The following RMND5A variants were observed in gnomAD, a reference collection of about 807,000 sequenced individuals.
The protein encoded by RMND5A is required for meiotic nuclear division 5 homolog A, also known as E3 ubiquitin-protein transferase RMND5A.
A neutral mutation model predicts 49.7 loss-of-function variants in RMND5A; 17 were observed. The observed-to-expected ratio is 0.34, with a 90% CI of 0.23 to 0.51. RMND5A has a LOEUF of 0.51. Ranked by LOEUF, RMND5A falls within the 20% of genes least tolerant of loss-of-function variation. RMND5A has a pLI of 0.96. For missense variants in RMND5A, 255 were observed against 471.3 expected (o/e 0.54, Z 4.25); for synonymous variants, 156 against 167.7 (o/e 0.93, Z 0.54).
At chr2:86,751,514 C>T (rs1346929765) in intron 2 of RMND5A, among the ~76,000 whole-genome samples, 4 of 152,146 alleles carry the variant, frequency 2.6e-5, no homozygotes, top group Non-Finnish European at 5.9e-5. Context: ...TGTTGATAGG[C>T]ATATGTGTTT....
At position 86,771,647 on chromosome 2, in the gene RMND5A, C is replaced by A. The variant is rs1439375238; in HGVS notation, c.1047C>A (p.Pro349=). ...AGCAAACAACAGATAACAATCCACC[C>A]ATGAAATTGGTCTGTGGTCATATTA... The part of the protein sequence containing the change: ...LRQQTTDNNP[P]MKLVCGHIIS... Residue 349 remains proline, a synonymous_variant, in exon 8 of 9, where the codon CCC becomes CCA. Coordinates refer to ENST00000283632, the MANE Select transcript of RMND5A (RefSeq NM_022780.4). 1 of 1,613,238 alleles carries A rather than the reference C, an allele frequency of 6.2e-7. No homozygotes were observed. The highest frequency in any genetic ancestry group is 1.7e-5 in the Admixed American group (1 of 59,978).
At chr2:86,729,731 C>T (rs1681332017) in intron 1 of RMND5A, among the ~76,000 whole-genome samples, 1 of 86,900 alleles carries the variant, frequency 1.2e-5, no homozygotes, top group South Asian at 3.4e-4. Flanking sequence ...AGGTGAAGGA[C>T]CAGATTGCAG....
chr2:86,747,218 G>A (rs77008152), intron 2 of RMND5A, among the ~76,000 whole-genome samples: 413 of 152,202 alleles, frequency 2.7e-3, no homozygotes, highest in Middle Eastern at 0.01. Flanking sequence ...TAATCAGATG[G>A]GTGTGAAGTA....
chr2:86,743,230 C>T (rs893261774), intron 2 of RMND5A, among the ~76,000 whole-genome samples: 2 of 152,064 alleles, frequency 1.3e-5, no homozygotes, highest in Admixed American at 1.3e-4. Flanking sequence ...ATGGAAGTAT[C>T]TTTTTGGAAG....
In RMND5A at chr2:86,725,606, G is replaced by C. The variant is rs1359900843; in HGVS notation, c.142+4797G>C. Among the ~76,000 whole-genome samples the C allele has an allele frequency of 5.1e-5, 4 of 77,696 alleles. 1 individual carries two copies. Among genetic ancestry groups the C allele is most frequent in the South Asian group, 3.4e-4 (1 of 2,930 alleles). 51.0% of individuals were successfully genotyped at this position (77,696 alleles called of 152,430 possible). On this transcript the variant is annotated intron_variant, in intron 1 of 8. Transcript: ENST00000283632. ...GGGTTTCAACATGTGGGTCAGGCTG[G>C]TCTTGAACACCTGACCTCAAGCAGT... is the stretch of plus-strand genomic sequence containing the variant.
intron 4 of RMND5A, among the ~76,000 whole-genome samples, chr2:86,758,304 T>C (rs1428124430): frequency 2.6e-5 from 4 of 152,232 alleles, no homozygotes; most frequent in Non-Finnish European, 4.4e-5. Flanking sequence ...CTATACACAG[T>C]GTTCTGCTTT....
Position 86,720,515 on chromosome 2 carries a change from G to A in RMND5A, c.-153G>A, listed in dbSNP as rs1259759800. ...GGCTCCGGCTGCGCGGGGCTCCCCC[G>A]GCGCCGCGGCTAGTGCGCCCGCCGC... is the stretch of plus-strand genomic sequence containing the variant. On this transcript the variant is annotated 5_prime_UTR_variant, in exon 1 of 9. Transcript: ENST00000283632. 1 of 389,132 alleles carries A rather than the reference G, an allele frequency of 2.6e-6. No individual in the cohort carries two copies. The allele number at this position is 389,132 out of a possible 1,614,324, so 24.1% of individuals were successfully genotyped here.
chr2:86,753,667 G>A, intron 4 of RMND5A, 109 bp downstream of exon 4: 1 of 538,194 alleles, frequency 1.9e-6, no homozygotes, highest in Non-Finnish European at 3.3e-6. Flanking sequence ...ACCTGTGGTA[G>A]ACTTCAGAGA....
At chr2:86,721,045 G>C (rs185308383) in intron 1 of RMND5A, 2 of 423,022 alleles carry the variant, frequency 4.7e-6, no homozygotes, top group Non-Finnish European at 8.4e-6. Context: ...AAACCCAGCC[G>C]GGAGCGGCGG....
intron 4 of RMND5A, among the ~76,000 whole-genome samples, chr2:86,758,054 A>G (rs1681775190): frequency 6.6e-6 from 1 of 152,218 alleles, no homozygotes. Context: ...TTCAGACTTC[A>G]TTCACTGACT....
chr2:86,752,154 T>G (rs1681647227), intron 3 of RMND5A, 124 bp downstream of exon 3: 3 of 855,570 alleles, frequency 3.5e-6, no homozygotes, highest in Admixed American at 6.4e-5. Context: ...ATATTTAAAT[T>G]ATCAGAGATG....
intron 1 of RMND5A, chr2:86,721,245 A>C: frequency 6.2e-6 from 1 of 160,186 alleles, no homozygotes; most frequent in South Asian, 1.6e-4. Flanking sequence ...AGGGCAGTGC[A>C]GGAAGCTCCG....
Position 86,775,323 on chromosome 2 carries a change from T to C in RMND5A, c.*1912T>C, listed in dbSNP as rs1024953863. 1.3e-5 allele frequency: 1 copy of C among 79,382 alleles called. No individual in the cohort carries two copies. Among genetic ancestry groups the C allele is most frequent in the Non-Finnish European group, 2.6e-5 (1 of 38,282 alleles). 4.9% of individuals were successfully genotyped at this position (79,382 alleles called of 1,614,324 possible). ...AAACCTAGAGTGTTGTATTTTTCTTTCTTTCTTTTTTTTTTTTTTTTTTTT... is the reference window on the plus strand; with the variant it reads ...AAACCTAGAGTGTTGTATTTTTCTTCCTTTCTTTTTTTTTTTTTTTTTTTT... On this transcript the variant is annotated 3_prime_UTR_variant, in exon 9 of 9. Coordinates refer to ENST00000283632, the MANE Select transcript of RMND5A (RefSeq NM_022780.4).
intron 4 of RMND5A, among the ~76,000 whole-genome samples, chr2:86,755,112 C>CTTT (rs536948355): frequency 2.1e-5 from 3 of 141,386 alleles, no homozygotes; most frequent in Non-Finnish European, 4.6e-5. Flanking sequence ...GCAACAACTA[C>CTTT]TTTTTTTTTT....
At chr2:86,745,258 A>AT (rs1681517390) in intron 2 of RMND5A, among the ~76,000 whole-genome samples, 1 of 152,218 alleles carries the variant, frequency 6.6e-6, no homozygotes, top group African/African-American at 2.4e-5. Context: ...TGGTATAATT[A>AT]AAAGCTGACC....
chr2:86,763,408 C>G (rs1338844258), intron 4 of RMND5A, among the ~76,000 whole-genome samples: 1 of 152,148 alleles, frequency 6.6e-6, no homozygotes, highest in Non-Finnish European at 1.5e-5. Flanking sequence ...GCCTGGCAGA[C>G]TAGAGACTGC....
intron 5 of RMND5A, chr2:86,765,645 T>G (rs748317464): frequency 3.9e-6 from 2 of 514,802 alleles, no homozygotes; most frequent in Non-Finnish European, 6.9e-6. Flanking sequence ...ATTTAAATTA[T>G]AAGTTCAGTA....
rs1438752020 is a variant in RMND5A, at chr2:86,720,309, G to A, written c.-359G>A. ...CATCCCCCTCCCCCCAGTCGGCGGC[G>A]CTTGGTGCCGCCCGGGAGAACCAGG... On this transcript the variant is annotated 5_prime_UTR_variant, in exon 1 of 9. Coordinates refer to ENST00000283632, the MANE Select transcript of RMND5A (RefSeq NM_022780.4). 6.0e-4 allele frequency: 92 copies of A among 152,480 alleles called. 1 individual carries two copies. The highest frequency in any genetic ancestry group is 2.0e-3 in the African/African-American group (82 of 41,438). The allele number at this position is 152,480 out of a possible 1,614,324, so 9.4% of individuals were successfully genotyped here. A position where few individuals can be genotyped will look rare whatever the true frequency, so the allele number is the denominator to read the frequency against.
rs1672799569 is a variant in RMND5A, at chr2:86,778,036, A to G, written c.*4625A>G. On this transcript the variant is annotated 3_prime_UTR_variant, in exon 9 of 9. Coordinates refer to ENST00000283632, the MANE Select transcript of RMND5A (RefSeq NM_022780.4). ...AAAAATTAAAGAAATGCACATTTAAAAAGTGTTTTGTGGAACCAGTCTGTA... is the reference window on the plus strand; with the variant it reads ...AAAAATTAAAGAAATGCACATTTAAGAAGTGTTTTGTGGAACCAGTCTGTA... 1 of 152,220 alleles carries G rather than the reference A, an allele frequency of 6.6e-6. No homozygotes were observed. The highest frequency in any genetic ancestry group is 2.4e-5 in the African/African-American group (1 of 41,450). 9.4% of individuals were successfully genotyped at this position (152,220 alleles called of 1,614,324 possible).
Sources: allele counts gnomAD v4.1 joint callset (sites outside exome capture counted in the v4.1 genomes callset), GRCh38; gene constraint gnomAD v4.1.1; transcripts MANE v1.5; gene names NCBI Gene and HGNC (gene_info 2026-07-23, HGNC 2026-07-21).